FHIT: variants seen among roughly 807,000 people sequenced by gnomAD.
The protein encoded by FHIT is bis(5'-adenosyl)-triphosphatase.
A neutral mutation model predicts 17.9 loss-of-function variants in FHIT; 19 were observed. The ratio of observed to expected loss-of-function variants is 1.06; its 90% CI spans 0.74 to 1.56. The LOEUF (loss-of-function observed/expected upper bound fraction) is 1.56. Ranked by LOEUF, FHIT falls within the 40% of genes most tolerant of loss-of-function variation. FHIT has a pLI of 0.00. For missense variants in FHIT, 248 were observed against 189.2 expected (o/e 1.31, Z -1.82); for synonymous variants, 81 against 69.7 (o/e 1.16, Z -0.81).
chr3:61,051,251 G>C (rs780075770), intron 2 of FHIT, among the ~76,000 whole-genome samples: 3 of 110,844 alleles, frequency 2.7e-5, no homozygotes, highest in African/African-American at 1.1e-4. Flanking sequence ...CACTATCTCT[G>C]TTTGTTTGTT....
intron 2 of FHIT, among the ~76,000 whole-genome samples, chr3:61,070,111 C>T (rs1165272388): frequency 6.6e-6 from 1 of 152,094 alleles, no homozygotes; most frequent in Non-Finnish European, 1.5e-5. Context: ...CCAGGCTGGT[C>T]TCAAACTCCT....
At chr3:60,656,145 A>G (rs1447579602) in intron 4 of FHIT, among the ~76,000 whole-genome samples, 2 of 152,138 alleles carry the variant, frequency 1.3e-5, no homozygotes, top group African/African-American at 4.8e-5. Context: ...TGCTGGTTTT[A>G]TCTCATCTGA....
intron 4 of FHIT, among the ~76,000 whole-genome samples, chr3:60,782,406 C>T (rs530082908): frequency 6.6e-6 from 1 of 152,212 alleles, no homozygotes; most frequent in South Asian, 2.1e-4. Flanking sequence ...CAAGGGAAAT[C>T]CAAGAACATG....
At chr3:60,316,562 A>G (rs1709175410) in intron 5 of FHIT, among the ~76,000 whole-genome samples, 1 of 152,196 alleles carries the variant, frequency 6.6e-6, no homozygotes, top group South Asian at 2.1e-4. Flanking sequence ...TCTTATGGAA[A>G]TATCTGCCAG....
intron 1 of FHIT, among the ~76,000 whole-genome samples, chr3:61,214,192 C>T (rs2039590453): frequency 6.6e-6 from 1 of 152,032 alleles, no homozygotes; most frequent in Admixed American, 6.6e-5. Flanking sequence ...CACAAAAAAC[C>T]CTTCAAAAAA....
chr3:59,955,254 A>G (rs1707335662), intron 7 of FHIT, among the ~76,000 whole-genome samples: 1 of 152,224 alleles, frequency 6.6e-6, no homozygotes, highest in African/African-American at 2.4e-5. Flanking sequence ...GGGCAGTGGC[A>G]TCTGGCACAA....
chr3:60,575,807 G>A (rs536508800), intron 4 of FHIT, among the ~76,000 whole-genome samples: 1 of 152,234 alleles, frequency 6.6e-6, no homozygotes, highest in African/African-American at 2.4e-5. Context: ...AGTATGAGCA[G>A]TGCAAAGGAA....
chr3:59,788,431 C>A (rs566167153), intron 8 of FHIT, among the ~76,000 whole-genome samples: 2 of 152,146 alleles, frequency 1.3e-5, no homozygotes, highest in Admixed American at 6.5e-5. Context: ...CCTTTTAGGT[C>A]TTCAGACTGG....
intron 2 of FHIT, among the ~76,000 whole-genome samples, chr3:61,156,751 C>A (rs953651568): frequency 1.3e-5 from 2 of 152,170 alleles, no homozygotes; most frequent in East Asian, 3.8e-4. Flanking sequence ...TAACATCTTT[C>A]TGTAATTAGC....
At chr3:61,230,849 G>T (rs1447454864) in intron 1 of FHIT, among the ~76,000 whole-genome samples, 1 of 152,108 alleles carries the variant, frequency 6.6e-6, no homozygotes, top group African/African-American at 2.4e-5. Flanking sequence ...TTTGGAACTG[G>T]TATATCACAG....
At chr3:60,575,477 G>C (rs1414691727) in intron 4 of FHIT, among the ~76,000 whole-genome samples, 1 of 152,158 alleles carries the variant, frequency 6.6e-6, no homozygotes, top group Non-Finnish European at 1.5e-5. Context: ...TCATGGAAGG[G>C]AGACCCAATG....
chr3:61,041,633 C>T (rs2033522160), intron 3 of FHIT, among the ~76,000 whole-genome samples: 2 of 151,668 alleles, frequency 1.3e-5, no homozygotes, highest in South Asian at 4.2e-4. Context: ...GATAGAAATG[C>T]CCATCTATAA....
chr3:60,882,892 G>A (rs1705041223), intron 3 of FHIT, among the ~76,000 whole-genome samples: 1 of 152,008 alleles, frequency 6.6e-6, no homozygotes, highest in African/African-American at 2.4e-5. Context: ...AAGAAATAAA[G>A]GGCATTCAAA....
At chr3:60,283,481 C>T (rs1707565193) in intron 5 of FHIT, among the ~76,000 whole-genome samples, 1 of 152,080 alleles carries the variant, frequency 6.6e-6, no homozygotes, top group Non-Finnish European at 1.5e-5. Flanking sequence ...TTCAGAAAAA[C>T]ATGTATCCAT....
At chr3:60,840,586 T>A (rs1186888216) in intron 3 of FHIT, among the ~76,000 whole-genome samples, 4 of 152,252 alleles carry the variant, frequency 2.6e-5, no homozygotes, top group Admixed American at 6.5e-5. Flanking sequence ...GGAATCTGCT[T>A]GTCTGAAATA....
intron 8 of FHIT, among the ~76,000 whole-genome samples, chr3:59,758,769 TATATG>T (rs1442052949): frequency 3.9e-5 from 6 of 152,096 alleles, no homozygotes; most frequent in African/African-American, 1.4e-4. Flanking sequence ...ATTTTAAAAA[TATATG>T]AAATGAAATG....
intron 1 of FHIT, among the ~76,000 whole-genome samples, chr3:61,214,845 G>A (rs1375547025): frequency 6.6e-6 from 1 of 152,160 alleles, no homozygotes; most frequent in Non-Finnish European, 1.5e-5. Flanking sequence ...ATGCAAGGCT[G>A]GTCCAATGTA....
chr3:61,200,823 G>A (rs1033411970), intron 1 of FHIT, among the ~76,000 whole-genome samples, 158 bp from the exon 2 acceptor site: 7 of 152,026 alleles, frequency 4.6e-5, no homozygotes, highest in African/African-American at 1.7e-4. Context: ...CCGCACAAGA[G>A]GCCAAAAAAA....
At chr3:61,026,692 G>A (rs1175424593) in intron 3 of FHIT, among the ~76,000 whole-genome samples, 1 of 152,060 alleles carries the variant, frequency 6.6e-6, no homozygotes, top group African/African-American at 2.4e-5. Context: ...TGCCGTTAGT[G>A]TATTTTATGT....
Sources: gnomAD v4.1 joint callset for allele counts (sites outside exome capture counted in the v4.1 genomes callset) on GRCh38, gnomAD v4.1.1 for gene constraint, MANE v1.5 for transcripts, NCBI Gene and HGNC (gene_info 2026-07-23, HGNC 2026-07-21) for gene names.